NEBL: variants seen among roughly 807,000 people sequenced by gnomAD.
The protein encoded by NEBL is LIM and SH3 protein 2.
Under a neutral mutation model 140.2 loss-of-function variants are expected in NEBL, and 122 were observed. The ratio of observed to expected loss-of-function variants is 0.87; its 90% CI spans 0.75 to 1.01. The LOEUF (loss-of-function observed/expected upper bound fraction) is 1.01. Among genes scored for constraint, NEBL ranks in the 50% least tolerant of loss-of-function variants. NEBL has a pLI of 0.00. For synonymous variants in NEBL, 436 were observed against 398.9 expected (o/e 1.09, Z -1.11); for missense variants, 1,365 against 1,231.3 (o/e 1.11, Z -1.62).
chr10:21,112,247 C>T (rs1481180503), intron 2 of NEBL, among the ~76,000 whole-genome samples: 1 of 152,160 alleles, frequency 6.6e-6, no homozygotes, highest in African/African-American at 2.4e-5. Flanking sequence ...TGGGTATATA[C>T]CCAAAGTATT....
intron 2 of NEBL, among the ~76,000 whole-genome samples, chr10:21,025,791 T>C (rs1411922707): frequency 6.6e-6 from 1 of 152,198 alleles, no homozygotes; most frequent in African/African-American, 2.4e-5. Context: ...CTTTCTCATC[T>C]ATAAGAAAAA....
At chr10:21,100,994 C>CT in intron 2 of NEBL, among the ~76,000 whole-genome samples, 1 of 152,146 alleles carries the variant, frequency 6.6e-6, no homozygotes, top group East Asian at 1.9e-4. Context: ...CATTTTGTGG[C>CT]TTTTTTTGGA....
chr10:21,206,968 C>CTTT (rs1028716031), intron 3 of NEBL, among the ~76,000 whole-genome samples: 104 of 99,062 alleles, frequency 1.0e-3, no homozygotes, highest in Non-Finnish European at 1.3e-3. Context: ...CTTTTTCTTT[C>CTTT]TTTTTTTTTT....
rs1836290048 is a variant in NEBL, at chr10:21,079,944, T to C, written c.165-59743A>G. Among the ~76,000 whole-genome samples, 5 of 152,292 alleles carry C rather than the reference T, an allele frequency of 3.3e-5. No homozygotes were observed. In the South Asian group the frequency reaches 1.0e-3, roughly 32 times the overall value. ...TTGAACAATGACCAATATAGAATCC[T>C]CAGAGAGGGGCGGAGTATAGATACT... On this transcript the variant is annotated intron_variant, in intron 2 of 6. Coordinates refer to the NEBL transcript ENST00000417816.
intron 2 of NEBL, among the ~76,000 whole-genome samples, chr10:21,076,842 T>G (rs1836117851): frequency 6.6e-6 from 1 of 152,092 alleles, no homozygotes; most frequent in Admixed American, 6.5e-5. Context: ...GGCAAAGGAC[T>G]TGAATGGATA....
intron 1 of NEBL, among the ~76,000 whole-genome samples, chr10:21,271,925 A>T (rs146016801): frequency 6.6e-6 from 1 of 152,062 alleles, no homozygotes; most frequent in African/African-American, 2.4e-5. Flanking sequence ...GTGCATATAC[A>T]TATATCAAAA....
At chr10:21,163,237 A>G (rs1036164915) in intron 2 of NEBL, among the ~76,000 whole-genome samples, 17 of 152,194 alleles carry the variant, frequency 1.1e-4, no homozygotes, top group African/African-American at 4.1e-4. Flanking sequence ...GGGAGCCATC[A>G]CAGGTGTTTG....
Position 20,840,770 on chromosome 10 carries a change from C to A in NEBL, c.1307G>T (p.Arg436Ile). 1 of 1,611,802 alleles carries A rather than the reference C, an allele frequency of 6.2e-7. No homozygotes were observed. Among genetic ancestry groups the A allele is most frequent in the Non-Finnish European group, 8.5e-7 (1 of 1,178,376 alleles). Residue 436 changes from arginine (R) to isoleucine (I), a missense_variant, in exon 13 of 28, where the codon AGA (arginine) becomes ATA (isoleucine). By Grantham distance (97) the Arg-to-Ile change is moderately conservative (BLOSUM62 -3). Coordinates refer to ENST00000377122, the MANE Select transcript of NEBL (RefSeq NM_006393.3). ...ELNSEVLDIQRAKRASEMASE... is the reference protein window; with the variant it reads ...ELNSEVLDIQIAKRASEMASE... ...TGCCATTTCAGAGGCTCGCTTTGCTCTTTGGATATCAAGAACTTCTGAATT... is the reference window on the plus strand; with the variant it reads ...TGCCATTTCAGAGGCTCGCTTTGCTATTTGGATATCAAGAACTTCTGAATT...
At chr10:20,855,220 T>C (rs1488890043) in intron 9 of NEBL, among the ~76,000 whole-genome samples, 6 of 145,328 alleles carry the variant, frequency 4.1e-5, no homozygotes, top group African/African-American at 1.5e-4. Context: ...AGAGCGAGAG[T>C]CCGTCTTAAA....
intron 3 of NEBL, among the ~76,000 whole-genome samples, chr10:20,993,759 A>G (rs567113588): frequency 6.6e-6 from 1 of 152,300 alleles, no homozygotes; most frequent in East Asian, 1.9e-4. Flanking sequence ...TCACATGGCA[A>G]AGATGTGGGC....
At position 20,840,811 on chromosome 10, in the gene NEBL, C is replaced by T. The variant is rs1290461637; in HGVS notation, c.1266G>A (p.Gly422=). The T allele has an allele frequency of 3.1e-6, 5 of 1,609,542 alleles. No homozygotes were observed. Among genetic ancestry groups the T allele is most frequent in the Non-Finnish European group, 4.2e-6 (5 of 1,176,744 alleles). Residue 422 remains glycine (G), a synonymous_variant, in exon 13 of 28, where the codon GGG becomes GGA. Transcript: ENST00000377122. ...YKKDLENEIK[G]KGMELNSEVL... ...CTTCTGAATTAAGTTCCATTCCTTTCCCTTTTATCTCATTTTCCAAATCTT... is the reference window on the plus strand; with the variant it reads ...CTTCTGAATTAAGTTCCATTCCTTTTCCTTTTATCTCATTTTCCAAATCTT...
At chr10:21,264,426 C>T (rs1034470573) in intron 1 of NEBL, among the ~76,000 whole-genome samples, 2 of 152,118 alleles carry the variant, frequency 1.3e-5, no homozygotes, top group Non-Finnish European at 2.9e-5. Flanking sequence ...CATCCCATCC[C>T]CACAAGAGCA....
At chr10:21,204,359 T>C (rs1407577283) in intron 3 of NEBL, among the ~76,000 whole-genome samples, 3 of 152,072 alleles carry the variant, frequency 2.0e-5, no homozygotes, top group Admixed American at 6.6e-5. Flanking sequence ...TTAAATGAGG[T>C]CATCGGGGTG....
chr10:21,094,433 C>T (rs749531325), intron 2 of NEBL, among the ~76,000 whole-genome samples: 21 of 133,174 alleles, frequency 1.6e-4, no homozygotes, highest in South Asian at 2.5e-4. Context: ...ACCACAGAGG[C>T]GGAGCTTGCA....
rs139823292 is a variant in NEBL, at chr10:21,226,142, A to T, written n.348+21779T>A. 3.6e-3 allele frequency among the ~76,000 whole-genome samples: 547 copies of T among 152,084 alleles called. 2 individuals carry two copies. The highest frequency in any genetic ancestry group is 0.02 in the Middle Eastern group (6 of 294). On this transcript the variant is annotated intron_variant and non_coding_transcript_variant, in intron 3 of 8. Transcript: ENST00000675702. ...ACTGTGTCCCTCTCTTTAAGGCAGC[A>T]GGTTCCCTTCTGGCCCCCAGTGTGT...
rs1017953419 is a variant in NEBL, at chr10:20,780,614, G to A, written c.*5133C>T. The A allele has an allele frequency of 4.6e-5, 7 of 152,186 alleles. No homozygotes were observed. Among genetic ancestry groups the A allele is most frequent in the Admixed American group, 2.0e-4 (3 of 15,282 alleles). 9.4% of individuals were successfully genotyped at this position (152,186 alleles called of 1,614,324 possible). ...ACAACCCATGCTCCAAGAAACCACG[G>A]TGAGAGCCAAGAAGTGAACCATTTT... On this transcript the variant is annotated 3_prime_UTR_variant, in exon 28 of 28. Transcript: ENST00000377122.
chr10:21,199,078 A>G (rs1841694481), intron 3 of NEBL, among the ~76,000 whole-genome samples: 1 of 151,728 alleles, frequency 6.6e-6, no homozygotes, highest in African/African-American at 2.4e-5. Flanking sequence ...AGGCTGGAGT[A>G]CAGCAGTGCA....
chr10:20,945,718 A>G lies in NEBL; in HGVS notation c.357+15954T>C, dbSNP rs544649106. ...GAACACACTAGCTTCCGTACCGACA[A>G]AAAGAAACCAAAATCTTTGGACATT... On this transcript the variant is annotated intron_variant, in intron 4 of 6. Coordinates refer to the NEBL transcript ENST00000417816. Among the ~76,000 whole-genome samples, 4 of 152,282 alleles carry G rather than the reference A, an allele frequency of 2.6e-5. No individual in the cohort carries two copies. In the East Asian group the frequency reaches 7.7e-4, roughly 29 times the overall value.
intron 1 of NEBL, among the ~76,000 whole-genome samples, chr10:21,275,522 G>A (rs577565589): frequency 9.2e-5 from 14 of 151,926 alleles, no homozygotes; most frequent in South Asian, 6.2e-4. Flanking sequence ...TCTGTTTTTC[G>A]TGTCCTCACT....
Sources: gnomAD v4.1 joint callset for allele counts (sites outside exome capture counted in the v4.1 genomes callset) on GRCh38, gnomAD v4.1.1 for gene constraint, MANE v1.5 for transcripts, NCBI Gene and HGNC (gene_info 2026-07-23, HGNC 2026-07-21) for gene names.